GRIP1: variants seen among roughly 807,000 people sequenced by gnomAD.
GRIP1 encodes the protein glutamate receptor interacting protein 1, also known as glutamate receptor-interacting protein 1.
GRIP1 carries 45 observed loss-of-function variants against 129.9 expected under a neutral mutation model. The ratio of observed to expected loss-of-function variants is 0.35; its 90% CI spans 0.27 to 0.44. The LOEUF is 0.44. Ranked by LOEUF, GRIP1 falls within the 20% of genes least tolerant of loss-of-function variation. The pLI is 1.00. For synonymous variants in GRIP1, 530 were observed against 520.8 expected, an observed-to-expected ratio of 1.02 and a Z score of -0.24; for missense variants, 1,196 against 1,396.8, an observed-to-expected ratio of 0.86 and a Z score of 2.29.
chr12:66,522,479 C>T (rs1275252504), intron 5 of GRIP1, among the ~76,000 whole-genome samples: 2 of 152,226 alleles, frequency 1.3e-5, no homozygotes, highest in Non-Finnish European at 2.9e-5. Context: ...AGGGTCCTGT[C>T]TGTTAGAAGG....
intron 1 of GRIP1, among the ~76,000 whole-genome samples, chr12:66,992,022 T>G (rs892857509): frequency 6.6e-6 from 1 of 152,214 alleles, no homozygotes; most frequent in African/African-American, 2.4e-5. Context: ...GAGATACTCT[T>G]ACAATCTTCA....
At chr12:66,521,405 T>A (rs1019285113) in intron 5 of GRIP1, among the ~76,000 whole-genome samples, 2 of 152,254 alleles carry the variant, frequency 1.3e-5, no homozygotes, top group Non-Finnish European at 2.9e-5. Flanking sequence ...TATTAAGATG[T>A]TTAATTTTAA....
intron 1 of GRIP1, among the ~76,000 whole-genome samples, chr12:67,057,488 T>C (rs1027124028): frequency 2.8e-4 from 42 of 151,460 alleles, no homozygotes; most frequent in African/African-American, 9.7e-4. Flanking sequence ...TGCTTTACTG[T>C]GGAAACCTGG....
intron 2 of GRIP1, chr12:66,568,304 G>A (rs1363927208): frequency 7.4e-5 from 13 of 175,408 alleles, no homozygotes; most frequent in Non-Finnish European, 1.6e-4. Flanking sequence ...TTCAATCCCT[G>A]GTCACCAATG....
chr12:66,698,126 T>C (rs112315046), intron 1 of GRIP1, among the ~76,000 whole-genome samples: 15 of 152,160 alleles, frequency 9.9e-5, no homozygotes, highest in East Asian at 5.8e-4. Context: ...ATGGAGCACA[T>C]TGCTAAATGA....
chr12:66,608,933 A>AATTATTATT (rs150512388), intron 1 of GRIP1, among the ~76,000 whole-genome samples: 15,876 of 145,414 alleles, frequency 0.11, 964 homozygotes, highest in Non-Finnish European at 0.13. Context: ...ACATGAAACA[A>AATTATTATT]ATTATTATTA....
chr12:66,537,684 C>T (rs1205588079), intron 4 of GRIP1, among the ~76,000 whole-genome samples: 2 of 152,136 alleles, frequency 1.3e-5, no homozygotes, highest in Admixed American at 1.3e-4. Context: ...ACAGAACTTA[C>T]AAACATGTTG....
chr12:66,650,460 G>C lies in GRIP1; in HGVS notation c.55+28390C>G, dbSNP rs146736087. ...CCCTTAAAAATCAAGCTGTGAGTATGCTATGTTATGGAATTTGAATTTTAG... is the reference window on the plus strand; with the variant it reads ...CCCTTAAAAATCAAGCTGTGAGTATCCTATGTTATGGAATTTGAATTTTAG... On this transcript the variant is annotated intron_variant, in intron 1 of 24. Coordinates refer to ENST00000359742, the MANE Select transcript of GRIP1 (RefSeq NM_001366722.1). Among the ~76,000 whole-genome samples the C allele has an allele frequency of 3.8e-3, 585 of 152,278 alleles. 1 individual carries two copies. The highest frequency in any genetic ancestry group is 6.5e-3 in the Non-Finnish European group (442 of 68,026).
intron 1 of GRIP1, among the ~76,000 whole-genome samples, chr12:66,662,953 A>T (rs1467365662): frequency 1.3e-5 from 2 of 152,188 alleles, no homozygotes; most frequent in Admixed American, 1.3e-4. Flanking sequence ...AGCCCAGGCT[A>T]TCAATGCTTT....
chr12:66,782,383 C>A (rs922420333), intron 1 of GRIP1, among the ~76,000 whole-genome samples: 4 of 152,130 alleles, frequency 2.6e-5, no homozygotes, highest in Non-Finnish European at 5.9e-5. Context: ...CTTCTTAACA[C>A]CTTTCTCTGG....
chr12:66,658,190 G>T (rs1385341815), intron 1 of GRIP1, among the ~76,000 whole-genome samples: 1 of 152,056 alleles, frequency 6.6e-6, no homozygotes, highest in African/African-American at 2.4e-5. Flanking sequence ...AAAGACAAAA[G>T]AAATCAATAA....
intron 1 of GRIP1, among the ~76,000 whole-genome samples, chr12:66,944,315 C>G (rs997579178): frequency 1.3e-5 from 2 of 152,092 alleles, no homozygotes; most frequent in Non-Finnish European, 1.5e-5. Context: ...AGAGTTAGAG[C>G]GTGACTGATA....
At chr12:66,969,100 C>T (rs939057061) in intron 1 of GRIP1, among the ~76,000 whole-genome samples, 2 of 152,048 alleles carry the variant, frequency 1.3e-5, no homozygotes, top group African/African-American at 4.8e-5. Flanking sequence ...ATTCTTGTTT[C>T]TCTATAGATA....
At chr12:67,060,707 C>T (rs903281427) in intron 1 of GRIP1, among the ~76,000 whole-genome samples, 2 of 151,706 alleles carry the variant, frequency 1.3e-5, no homozygotes, top group African/African-American at 4.8e-5. Context: ...CCCGTAATCC[C>T]AGCTACTGAG....
intron 23 of GRIP1, among the ~76,000 whole-genome samples, chr12:66,354,313 C>T (rs948640327): frequency 1.5e-4 from 23 of 152,248 alleles, no homozygotes; most frequent in African/African-American, 4.8e-4. Flanking sequence ...TGACCACCTG[C>T]GAGTGTTCAT....
chr12:67,024,857 T>C (rs904013678), intron 1 of GRIP1, among the ~76,000 whole-genome samples: 3 of 152,204 alleles, frequency 2.0e-5, no homozygotes, highest in Non-Finnish European at 2.9e-5. Context: ...TAGTCAGTAA[T>C]TCCCCCACTA....
At chr12:66,965,474 A>G (rs4603384) in intron 1 of GRIP1, among the ~76,000 whole-genome samples, 48,891 of 151,316 alleles carry the variant, frequency 0.32, 8,267 homozygotes, top group African/African-American at 0.44. Flanking sequence ...AAGATGGAAA[A>G]GGAGGTATCT....
chr12:67,054,016 C>T (rs1018348617), intron 1 of GRIP1, among the ~76,000 whole-genome samples: 6 of 152,070 alleles, frequency 3.9e-5, no homozygotes, highest in Admixed American at 6.6e-5. Flanking sequence ...CACTGCTTAC[C>T]GGCCATCTAC....
chr12:66,988,748 C>T (rs561968728), intron 1 of GRIP1, among the ~76,000 whole-genome samples: 3 of 152,200 alleles, frequency 2.0e-5, no homozygotes, highest in African/African-American at 7.2e-5. Flanking sequence ...GTTCTTGTTT[C>T]AAATTCTGAT....
Sources: allele counts gnomAD v4.1 joint callset (sites outside exome capture counted in the v4.1 genomes callset), GRCh38; gene constraint gnomAD v4.1.1; transcripts MANE v1.5; gene names NCBI Gene and HGNC (gene_info 2026-07-23, HGNC 2026-07-21).